The following HSPA4L variants were observed in gnomAD, a reference collection of about 807,000 sequenced individuals.
HSPA4L encodes heat shock protein family A (Hsp70) member 4 like, also known as heat shock 70 kDa protein 4L.
Under a neutral mutation model 100.3 loss-of-function variants are expected in HSPA4L, and 48 were observed. That is an observed-to-expected ratio of 0.48 (90% CI 0.38 to 0.61). The LOEUF (loss-of-function observed/expected upper bound fraction) is 0.61, where lower values mean the gene tolerates loss of function less well. Ranked by LOEUF, HSPA4L falls within the 20% of genes least tolerant of loss-of-function variation. The pLI, the probability that HSPA4L is intolerant of heterozygous loss-of-function variation, is 0.00. For missense variants in HSPA4L, 886 were observed against 988.6 expected, an observed-to-expected ratio of 0.90 and a Z score of 1.39; for synonymous variants, 319 against 328.2, an observed-to-expected ratio of 0.97 and a Z score of 0.30.
chr4:127,782,011 C>T (rs961367078), upstream of HSPA4L: 2 of 453,916 alleles, frequency 4.4e-6, no homozygotes, highest in Non-Finnish European at 8.8e-6. Flanking sequence ...TGCCTCTCAC[C>T]TAGCCCGACC....
chr4:127,810,505 C>T (rs930229486), intron 11 of HSPA4L, among the ~76,000 whole-genome samples: 2 of 152,130 alleles, frequency 1.3e-5, no homozygotes, highest in Non-Finnish European at 2.9e-5. Context: ...TGCCTGTAAT[C>T]CTAGCACTTT....
At chr4:127,786,687 G>A (rs972907842) in intron 1 of HSPA4L, among the ~76,000 whole-genome samples, 10 of 152,206 alleles carry the variant, frequency 6.6e-5, no homozygotes, top group African/African-American at 1.9e-4. Flanking sequence ...GGCTAGTCTC[G>A]AACTCCTGGC....
chr4:127,803,612 C>G lies in HSPA4L; in HGVS notation c.664-17C>G. 1 of 1,531,448 alleles carries G rather than the reference C, an allele frequency of 6.5e-7. No individual in the cohort carries two copies. The highest frequency in any genetic ancestry group is 8.8e-7 in the Non-Finnish European group (1 of 1,139,256). The allele number at this position is 1,531,448 out of a possible 1,614,324, so 94.9% of individuals were successfully genotyped here. On this transcript the variant is annotated splice_polypyrimidine_tract_variant and intron_variant, in intron 6 of 18. Coordinates refer to ENST00000296464, the MANE Select transcript of HSPA4L (RefSeq NM_014278.4). ...CTATATTTCTGAAAATACAGTTCTG[C>G]TTTTTCAATTAAACAGGTCTTGGCT... is the stretch of plus-strand genomic sequence containing the variant.
chr4:127,811,472 G>A lies in HSPA4L; in HGVS notation c.1414G>A (p.Asp472Asn), dbSNP rs1733526805. The change falls in exon 12 of 19, where the codon GAT becomes AAT. Residue 472 changes from aspartate (D) to asparagine (N), a missense_variant. Coordinates refer to ENST00000296464, the MANE Select transcript of HSPA4L (RefSeq NM_014278.4). The stretch of plus-strand genomic sequence containing the variant: ...TATTCAGAATGTTTTTCCACAGTCT[G>A]ATGGTGATAGTTCCAAAGTGAAGGT... Reference protein sequence around the residue: ...FTIQNVFPQSDGDSSKVKVKV... With the variant: ...FTIQNVFPQSNGDSSKVKVKV... 1.9e-6 allele frequency: 3 copies of A among 1,613,874 alleles called. No homozygotes were observed. The highest frequency in any genetic ancestry group is 1.3e-5 in the African/African-American group (1 of 74,892).
chr4:127,795,688 G>T, intron 2 of HSPA4L, 80 bp from the exon 3 acceptor site: 1 of 1,365,604 alleles, frequency 7.3e-7, no homozygotes, highest in Non-Finnish European at 1.0e-6. Context: ...AAAGGAACTT[G>T]GTGGTTGTCA....
rs563862410 is a variant in HSPA4L at position 127,823,289 on chromosome 4, C to T, written c.1939-228C>T. 3.9e-5 allele frequency among the ~76,000 whole-genome samples: 6 copies of T among 152,254 alleles called. No homozygotes were observed. The South Asian group carries it at 1.2e-3, about 32-fold the overall frequency. On this transcript the variant is annotated intron_variant, in intron 15 of 18. Transcript: ENST00000296464. Reference sequence around the variant, plus strand: ...TCACCCTCATAAGTAGATGGGAATACAGGCACATGCCATCATGCCTGGCTA... The same window carrying T: ...TCACCCTCATAAGTAGATGGGAATATAGGCACATGCCATCATGCCTGGCTA...
At position 127,820,470 on chromosome 4, in the gene HSPA4L, A is replaced by T; in HGVS notation, c.1717A>T (p.Lys573Ter). ...ACAAGACCGATTAAATCAGACACTT[A>T]AAAAAGGAAAAGTCAAAAGTATTGA... ...DKQDRLNQTL[K>*]KGKVKSIDLP... Residue 573 changes from lysine to a stop codon, truncating the protein, a stop_gained, in exon 14 of 19, where the codon AAA (lysine) becomes TAA (stop). Transcript: ENST00000296464. LOFTEE classifies it high-confidence loss of function. 6.2e-7 allele frequency: 1 copy of T among 1,603,450 alleles called. No homozygotes were observed. Among genetic ancestry groups the T allele is most frequent in the South Asian group, 1.1e-5 (1 of 88,726 alleles).
rs776647593 is a variant in HSPA4L, at chr4:127,794,047, T to A, written c.108-30T>A. 9 of 1,540,330 alleles carry A rather than the reference T, an allele frequency of 5.8e-6. No homozygotes were observed. In the South Asian group the frequency reaches 1.0e-4, roughly 17 times the overall value. ...ATAGCACAATAATATAAAAGTACCA[T>A]GGAACAAACTTTTTGTTTTTCTGGT... On this transcript the variant is annotated intron_variant, in intron 1 of 18. Coordinates refer to ENST00000296464, the MANE Select transcript of HSPA4L (RefSeq NM_014278.4).
At position 127,820,554 on chromosome 4, in the gene HSPA4L, A is replaced by G. The variant is rs770038480; in HGVS notation, c.1801A>G (p.Ile601Val). The change falls in exon 14 of 19, where the codon ATT becomes GTT. Residue 601 changes from isoleucine (I) to valine (V), a missense_variant. Ile to Val is a conservative substitution (Grantham distance 29). Transcript: ENST00000296464. ...QLGQDLLNSY[I>V]ENEGKMIMQD... ...AGGCCAAGATCTTCTCAACAGCTAC[A>G]TTGAAAATGAGGTATGTAAATCTGA... is the stretch of plus-strand genomic sequence containing the variant. 1.2e-5 allele frequency: 19 copies of G among 1,599,802 alleles called. No homozygotes were observed. The highest frequency in any genetic ancestry group is 1.6e-5 in the Non-Finnish European group (19 of 1,175,210).
Position 127,839,694 on chromosome 4 carries a change from C to CA in HSPA4L, c.*6834dup, listed in dbSNP as rs577769433. On this transcript the variant is annotated 3_prime_UTR_variant, in exon 19 of 19. Transcript: ENST00000296464. ...GGGGTAACAGAGCGAGACTCTGTCT[C>CA]AAAAAAAAAAAAAAGTGTAATTAGA... 1,465 of 102,438 alleles carry CA rather than the reference C, an allele frequency of 0.014. 14 individuals carry two copies. Among genetic ancestry groups the CA allele is most frequent in the African/African-American group, 0.037 (1,001 of 27,328 alleles). The allele number at this position is 102,438 out of a possible 1,614,324, so 6.3% of individuals were successfully genotyped here. A position where few individuals can be genotyped will look rare whatever the true frequency, so the allele number is the denominator to read the frequency against.
chr4:127,815,715 A>C (rs1366417226), intron 12 of HSPA4L, among the ~76,000 whole-genome samples: 1 of 152,176 alleles, frequency 6.6e-6, no homozygotes. Context: ...TGATTAAACA[A>C]GATTGAAAAG....
At chr4:127,809,408 C>T in intron 11 of HSPA4L, 1 of 1,241,736 alleles carries the variant, frequency 8.1e-7, no homozygotes, top group Non-Finnish European at 1.2e-6. Context: ...CATTTGGATA[C>T]TTCATAACTC....
chr4:127,817,533 A>C (rs1487681480), intron 12 of HSPA4L, among the ~76,000 whole-genome samples: 1 of 152,098 alleles, frequency 6.6e-6, no homozygotes, highest in Non-Finnish European at 1.5e-5. Flanking sequence ...AATCTATTAT[A>C]TATATGGGAT....
chr4:127,785,614 T>C (rs1483749107), intron 1 of HSPA4L, among the ~76,000 whole-genome samples: 2 of 152,094 alleles, frequency 1.3e-5, no homozygotes, highest in African/African-American at 4.8e-5. Context: ...TTTTTGTATT[T>C]TTAGTAGAGA....
intron 9 of HSPA4L, 90 bp downstream of exon 9, chr4:127,805,314 C>A: frequency 1.1e-6 from 1 of 917,762 alleles, no homozygotes; most frequent in South Asian, 2.2e-5. Flanking sequence ...TCTGTTCCAT[C>A]CACTTATCAA....
intron 4 of HSPA4L, among the ~76,000 whole-genome samples, chr4:127,800,602 T>A (rs1733149099): frequency 6.6e-6 from 1 of 152,210 alleles, no homozygotes; most frequent in African/African-American, 2.4e-5. Context: ...GTTCCCCTCC[T>A]TTGAAATATA....
At chr4:127,799,787 G>T (rs987746842) in intron 4 of HSPA4L, among the ~76,000 whole-genome samples, 1 of 152,166 alleles carries the variant, frequency 6.6e-6, no homozygotes, top group African/African-American at 2.4e-5. Context: ...CAAGTATTTT[G>T]TCTGGTTTGT....
At chr4:127,821,322 C>T (rs1475692178) in intron 14 of HSPA4L, among the ~76,000 whole-genome samples, 1 of 152,042 alleles carries the variant, frequency 6.6e-6, no homozygotes, top group African/African-American at 2.4e-5. Flanking sequence ...TAGGGAAGCA[C>T]AGTTTTGGGA....
rs1733881261 is a variant in HSPA4L, at chr4:127,823,965, TTGTC to T, written c.2046+343_2046+346del. Reference sequence around the variant, plus strand: ...AATAGATCTCTTGGACTTACTCCTCTTGTCTAATTCAAATGTTGTGTCCTTTGAC... The same window carrying T: ...AATAGATCTCTTGGACTTACTCCTCTTAATTCAAATGTTGTGTCCTTTGAC... On this transcript the variant is annotated intron_variant, in intron 16 of 18. Transcript: ENST00000296464. Among the ~76,000 whole-genome samples, 5 of 152,304 alleles carry T rather than the reference TTGTC, an allele frequency of 3.3e-5. No homozygotes were observed. The South Asian group carries it at 1.0e-3, about 32-fold the overall frequency.
Sources: gnomAD v4.1 joint callset for allele counts (sites outside exome capture counted in the v4.1 genomes callset) on GRCh38, gnomAD v4.1.1 for gene constraint, MANE v1.5 for transcripts, NCBI Gene and HGNC (gene_info 2026-07-23, HGNC 2026-07-21) for gene names.